The following C2CD2 variants were observed in gnomAD, a reference collection of about 807,000 sequenced individuals.
C2CD2 encodes C2 calcium dependent domain containing 2.
A neutral mutation model predicts 74.3 loss-of-function variants in C2CD2; 43 were observed. The observed-to-expected ratio is 0.58, with a 90% CI of 0.45 to 0.75. The LOEUF (loss-of-function observed/expected upper bound fraction) is 0.75, where lower values mean the gene tolerates loss of function less well. Among genes scored for constraint, C2CD2 ranks in the 30% least tolerant of loss-of-function variants. The pLI, the probability that C2CD2 is intolerant of heterozygous loss-of-function variation, is 0.00. For synonymous variants in C2CD2, 422 were observed against 390.7 expected, an observed-to-expected ratio of 1.08 and a Z score of -0.94; for missense variants, 801 against 916.3, an observed-to-expected ratio of 0.87 and a Z score of 1.63.
intron 13 of C2CD2, 117 bp downstream of exon 13, chr21:41,898,936 G>T: frequency 1.3e-6 from 1 of 781,954 alleles, no homozygotes. Flanking sequence ...GGGTGAGGCT[G>T]GGAGGGAGTT....
At chr21:41,911,857 C>A (rs557436135) in intron 7 of C2CD2, among the ~76,000 whole-genome samples, 35 of 152,194 alleles carry the variant, frequency 2.3e-4, no homozygotes, top group Non-Finnish European at 4.6e-4. Flanking sequence ...GGCCACCATG[C>A]CCGGTTAAAT....
intron 7 of C2CD2, chr21:41,912,020 G>A (rs184715580): frequency 2.5e-5 from 6 of 237,558 alleles, no homozygotes; most frequent in African/African-American, 1.1e-4. Context: ...TATTTTCTTC[G>A]TTAGGTTCTG....
At chr21:41,920,879 T>G (rs565681429) in intron 3 of C2CD2, among the ~76,000 whole-genome samples, 3 of 152,250 alleles carry the variant, frequency 2.0e-5, no homozygotes, top group Non-Finnish European at 4.4e-5. Context: ...TTCCAAAACA[T>G]GCATCAAATG....
At position 41,888,179 on chromosome 21, in the gene C2CD2, T is replaced by C. The variant is rs1014210826; in HGVS notation, c.*945A>G. ...CTGAGACACAAAATAATTTCCTCTA[T>C]TGCCCTAAAAAGACTTTGTTTTGGC... On this transcript the variant is annotated 3_prime_UTR_variant, in exon 14 of 14. Transcript: ENST00000380486. 2 of 152,640 alleles carry C rather than the reference T, an allele frequency of 1.3e-5. No homozygotes were observed. Among genetic ancestry groups the C allele is most frequent in the African/African-American group, 4.8e-5 (2 of 41,452 alleles). The allele number at this position is 152,640 out of a possible 1,614,324, so 9.5% of individuals were successfully genotyped here. A position where few individuals can be genotyped will look rare whatever the true frequency, so the allele number is the denominator to read the frequency against.
chr21:41,903,331 A>G lies in C2CD2; in HGVS notation c.1433-1582T>C, dbSNP rs950313631. Among the ~76,000 whole-genome samples the G allele has an allele frequency of 6.6e-6, 1 of 152,146 alleles. No homozygotes were observed. Among genetic ancestry groups the G allele is most frequent in the African/African-American group, 2.4e-5 (1 of 41,434 alleles). On this transcript the variant is annotated intron_variant, in intron 11 of 13. Transcript: ENST00000380486. The surrounding 1 kb of genome is among the most constrained non-coding windows in gnomAD (Gnocchi z 4.5). ...CCCAATTTGTAGCCAAGTGGGACAA[A>G]AGTGTGGTAACCTGGGGACCCACTA...
intron 3 of C2CD2, among the ~76,000 whole-genome samples, chr21:41,921,687 T>C (rs999906459): frequency 6.6e-6 from 1 of 152,186 alleles, no homozygotes; most frequent in African/African-American, 2.4e-5. Context: ...CCTTATCATA[T>C]CCGTCAACAA....
intron 1 of C2CD2, among the ~76,000 whole-genome samples, chr21:41,944,946 C>T (rs976362191): frequency 5.9e-5 from 9 of 152,162 alleles, no homozygotes; most frequent in African/African-American, 2.2e-4. Flanking sequence ...TACGAATGAA[C>T]AATATAACCA....
chr21:41,915,207 C>T (rs1002656066), intron 5 of C2CD2, among the ~76,000 whole-genome samples: 1 of 152,184 alleles, frequency 6.6e-6, no homozygotes, highest in Admixed American at 6.5e-5. Flanking sequence ...CAGAGTCCAA[C>T]GTCCACATGA....
chr21:41,916,868 T>C (rs896633367), intron 5 of C2CD2, among the ~76,000 whole-genome samples: 5 of 152,250 alleles, frequency 3.3e-5, no homozygotes, highest in Admixed American at 6.5e-5. Flanking sequence ...GACTGTTTTA[T>C]GAAGCCGCAT....
intron 6 of C2CD2, among the ~76,000 whole-genome samples, chr21:41,913,865 C>A (rs747635024): frequency 1.3e-5 from 2 of 152,184 alleles, no homozygotes; most frequent in Non-Finnish European, 2.9e-5. Context: ...GTCTTGGCTC[C>A]AACAGCAGCC....
chr21:41,919,095 A>AGTGCATGTGAGTGTGCGTGTAT, intron 3 of C2CD2, 135 bp from the exon 4 acceptor site: 1 of 669,304 alleles, frequency 1.5e-6, no homozygotes, highest in Non-Finnish European at 2.7e-6. Context: ...AGCATATATG[A>AGTGCATGTGAGTGTGCGTGTAT]GTGCATGTGA....
intron 6 of C2CD2, among the ~76,000 whole-genome samples, chr21:41,914,341 T>C (rs1224082987): frequency 2.0e-5 from 3 of 149,154 alleles, no homozygotes; most frequent in Non-Finnish European, 4.5e-5. Flanking sequence ...GGCAGGACAA[T>C]TCCAGACAAA....
intron 13 of C2CD2, chr21:41,894,951 G>C (rs2064805256): frequency 2.2e-6 from 1 of 456,612 alleles, no homozygotes; most frequent in Non-Finnish European, 4.4e-6. Flanking sequence ...ACCTCCACGA[G>C]CAACACCTGT....
intron 7 of C2CD2, 136 bp downstream of exon 7, chr21:41,912,196 C>A: frequency 1.7e-6 from 1 of 584,938 alleles, no homozygotes; most frequent in Non-Finnish European, 3.1e-6. Context: ...CTTTAAGATG[C>A]TTAAGACATC....
At chr21:41,912,020 G>T (rs184715580) in intron 7 of C2CD2, 2 of 237,440 alleles carry the variant, frequency 8.4e-6, no homozygotes, top group South Asian at 2.5e-4. Flanking sequence ...TATTTTCTTC[G>T]TTAGGTTCTG....
chr21:41,953,235 G>A (rs1386680899), intron 1 of C2CD2, 135 bp downstream of exon 1: 2 of 473,408 alleles, frequency 4.2e-6, no homozygotes, highest in African/African-American at 4.0e-5. Context: ...CCTAACTCTC[G>A]AGGATGGTCT....
chr21:41,895,393 A>T lies in C2CD2; in HGVS notation c.1870+3660T>A, dbSNP rs1362997319. 1.3e-5 allele frequency among the ~76,000 whole-genome samples: 2 copies of T among 152,194 alleles called. No individual in the cohort carries two copies. Among genetic ancestry groups the T allele is most frequent in the African/African-American group, 4.8e-5 (2 of 41,434 alleles). The stretch of plus-strand genomic sequence containing the variant: ...GCAGAATGTGTTGCCCTTTGCTGAT[A>T]GTGAAGTTCACACTACGGTCAACAA... On this transcript the variant is annotated intron_variant, in intron 13 of 13. Coordinates refer to ENST00000380486, the MANE Select transcript of C2CD2 (RefSeq NM_015500.2). This position sits in a 1 kb window ranked among gnomAD's most constrained non-coding sequence, Gnocchi z 5.0.
Position 41,929,799 on chromosome 21 carries a change from CCA to C in C2CD2, c.379-7716_379-7715del, listed in dbSNP as rs2065247445. Among the ~76,000 whole-genome samples the C allele has an allele frequency of 6.6e-6, 1 of 152,226 alleles. No individual in the cohort carries two copies. Among genetic ancestry groups the C allele is most frequent in the African/African-American group, 2.4e-5 (1 of 41,458 alleles). The stretch of plus-strand genomic sequence containing the variant: ...TTCCAAATGAAAGTTACGTTGAAAG[CCA>C]CAGTTACCATACTGTAACCAGAATT... On this transcript the variant is annotated intron_variant, in intron 2 of 13. Coordinates refer to ENST00000380486, the MANE Select transcript of C2CD2 (RefSeq NM_015500.2). The surrounding 1 kb of genome is among the most constrained non-coding windows in gnomAD (Gnocchi z 4.6).
At chr21:41,915,960 G>GCTGATTTGACTGAGCA (rs1171880630) in intron 5 of C2CD2, among the ~76,000 whole-genome samples, 1 of 152,134 alleles carries the variant, frequency 6.6e-6, no homozygotes, top group African/African-American at 2.4e-5. Context: ...AAAACTGGGT[G>GCTGATTTGACTGAGCA]CTGATTTGAC....
Sources: gnomAD v4.1 joint callset for allele counts (sites outside exome capture counted in the v4.1 genomes callset) on GRCh38, gnomAD v4.1.1 for gene constraint, Gnocchi (gnomAD v3.1) non-coding constraint, MANE v1.5 for transcripts, NCBI Gene and HGNC (gene_info 2026-07-23, HGNC 2026-07-21) for gene names.